KHDRBS2: variants seen among roughly 807,000 people sequenced by gnomAD.
KHDRBS2 encodes KH RNA binding domain containing, signal transduction associated 2.
KHDRBS2 carries 26 observed loss-of-function variants against 44.3 expected under a neutral mutation model. The ratio of observed to expected loss-of-function variants is 0.59; its 90% CI spans 0.43 to 0.81. The LOEUF is 0.81. KHDRBS2 is among the 40% of genes least tolerant of loss of function. The probability of loss-of-function intolerance (pLI) is 0.00; values close to 1 mark genes in which losing one functional copy is unlikely to be tolerated. For synonymous variants in KHDRBS2, 194 were observed against 151.1 expected (o/e 1.28, Z -2.08); for missense variants, 476 against 433.1 (o/e 1.10, Z -0.88).
rs1802056811 is a variant in KHDRBS2 at position 61,892,526 on chromosome 6, A to G, written c.810+2109T>C. Reference sequence around the variant, plus strand: ...ATACTACAAGGCTACAGTAACCAAAACAGCATGGTACTGGTACCAAAACAG... The same window carrying G: ...ATACTACAAGGCTACAGTAACCAAAGCAGCATGGTACTGGTACCAAAACAG... On this transcript the variant is annotated intron_variant, in intron 6 of 8. Coordinates refer to ENST00000281156, the MANE Select transcript of KHDRBS2 (RefSeq NM_152688.4). Among the ~76,000 whole-genome samples, 3 of 152,342 alleles carry G rather than the reference A, an allele frequency of 2.0e-5. No homozygotes were observed. In the South Asian group the frequency reaches 6.2e-4, roughly 32 times the overall value.
At chr6:61,765,464 AAAAT>A (rs1415544856) in intron 6 of KHDRBS2, among the ~76,000 whole-genome samples, 5 of 152,116 alleles carry the variant, frequency 3.3e-5, no homozygotes, top group African/African-American at 7.2e-5. Context: ...TAAACAATAA[AAAAT>A]AAATAAGTAA....
chr6:61,988,462 A>T (rs1775486520), intron 3 of KHDRBS2, among the ~76,000 whole-genome samples: 1 of 152,182 alleles, frequency 6.6e-6, no homozygotes, highest in Non-Finnish European at 1.5e-5. Context: ...TTCCAACTGG[A>T]TACAAATGGG....
intron 6 of KHDRBS2, among the ~76,000 whole-genome samples, chr6:61,783,253 C>A (rs759593201): frequency 6.6e-6 from 1 of 151,918 alleles, no homozygotes; most frequent in African/African-American, 2.4e-5. Context: ...TCTCACAGAC[C>A]GCTCCTTCTC....
chr6:61,926,345 A>G (rs1808971021), intron 4 of KHDRBS2, among the ~76,000 whole-genome samples: 1 of 152,228 alleles, frequency 6.6e-6, no homozygotes, highest in Non-Finnish European at 1.5e-5. Context: ...CTGTGAAAGT[A>G]AGATTCTTTG....
At chr6:61,934,689 A>C (rs1475572209) in intron 4 of KHDRBS2, among the ~76,000 whole-genome samples, 1 of 152,196 alleles carries the variant, frequency 6.6e-6, no homozygotes, top group African/African-American at 2.4e-5. Flanking sequence ...AATAAACTTC[A>C]TGTTGTGATT....
chr6:61,981,797 A>C (rs1376986798), intron 3 of KHDRBS2, among the ~76,000 whole-genome samples: 4 of 152,176 alleles, frequency 2.6e-5, no homozygotes, highest in African/African-American at 9.6e-5. Context: ...ATATGTTAAA[A>C]TGTATGGGAA....
At chr6:62,222,526 C>A (rs1831072870) in intron 1 of KHDRBS2, among the ~76,000 whole-genome samples, 1 of 152,104 alleles carries the variant, frequency 6.6e-6, no homozygotes, top group Non-Finnish European at 1.5e-5. Context: ...GAACTGCCCT[C>A]ATGATTCAAA....
chr6:62,074,250 A>G (rs1795888786), intron 2 of KHDRBS2, among the ~76,000 whole-genome samples: 1 of 151,854 alleles, frequency 6.6e-6, no homozygotes, highest in East Asian at 1.9e-4. Context: ...TGAACCATAG[A>G]AATTGTGAGA....
chr6:61,602,252 C>T, the KHDRBS2 span, among the ~76,000 whole-genome samples: 1 of 152,142 alleles, frequency 6.6e-6, no homozygotes, highest in Non-Finnish European at 1.5e-5. Context: ...TTTTGAGTTG[C>T]AGTTCCTTGC....
chr6:61,614,552 T>C, the KHDRBS2 span, among the ~76,000 whole-genome samples: 3 of 152,204 alleles, frequency 2.0e-5, no homozygotes, highest in Non-Finnish European at 2.9e-5. Context: ...ATTCAATCTT[T>C]TAGGGTGGGA....
chr6:61,543,077 A>T, the KHDRBS2 span, among the ~76,000 whole-genome samples: 1 of 152,016 alleles, frequency 6.6e-6, no homozygotes. Context: ...GTAATACTCC[A>T]CAAGCACAGG....
the KHDRBS2 span, chr6:61,574,212 T>C: frequency 8.2e-6 from 6 of 732,330 alleles, no homozygotes; most frequent in African/African-American, 1.8e-5. Flanking sequence ...ACATCACCTC[T>C]AGCATTACCA....
intron 2 of KHDRBS2, among the ~76,000 whole-genome samples, chr6:62,111,062 A>G (rs1429755359): frequency 2.0e-5 from 3 of 152,138 alleles, no homozygotes; most frequent in African/African-American, 7.2e-5. Flanking sequence ...GAAACTGCTT[A>G]TAACTTGTAA....
Position 62,177,230 on chromosome 6 carries a change from T to A in KHDRBS2, c.174A>T (p.Ile58=). ...GAATCAGTACTCTTTCTGAGAGCTTTATGTTTTTGTTGCTGATGACATCAA... is the reference window on the plus strand; with the variant it reads ...GAATCAGTACTCTTTCTGAGAGCTTAATGTTTTTGTTGCTGATGACATCAA... ...KYLDVISNKN[I]KLSERVLIPV... is the part of the protein sequence containing the mutation. The change falls in exon 2 of 9, where the codon ATA becomes ATT. Residue 58 remains isoleucine (I), a synonymous_variant. Coordinates refer to ENST00000281156, the MANE Select transcript of KHDRBS2 (RefSeq NM_152688.4). The A allele has an allele frequency of 1.3e-6, 2 of 1,595,584 alleles. No individual in the cohort carries two copies. Among genetic ancestry groups the A allele is most frequent in the East Asian group, 4.5e-5 (2 of 44,594 alleles).
chr6:62,147,795 G>T (rs556500325), intron 2 of KHDRBS2, among the ~76,000 whole-genome samples: 2 of 151,994 alleles, frequency 1.3e-5, no homozygotes, highest in African/African-American at 4.8e-5. Flanking sequence ...CTCTTTACAC[G>T]AAAGTTTCTT....
intron 2 of KHDRBS2, among the ~76,000 whole-genome samples, chr6:62,137,248 G>A (rs540195210): frequency 2.6e-5 from 4 of 152,010 alleles, no homozygotes; most frequent in South Asian, 4.1e-4. Flanking sequence ...GGATCCGCCC[G>A]CCTTGGCCTC....
intron 1 of KHDRBS2, among the ~76,000 whole-genome samples, chr6:62,199,816 G>A (rs1222664611): frequency 5.9e-5 from 9 of 152,032 alleles, no homozygotes; most frequent in Admixed American, 4.6e-4. Context: ...GAGGCATCAC[G>A]CTACCTGACT....
At chr6:62,070,041 A>T (rs1232166260) in intron 2 of KHDRBS2, among the ~76,000 whole-genome samples, 1 of 151,574 alleles carries the variant, frequency 6.6e-6, no homozygotes, top group Non-Finnish European at 1.5e-5. Flanking sequence ...TTTGTCAGAC[A>T]CTTTTTCTCC....
intron 6 of KHDRBS2, among the ~76,000 whole-genome samples, chr6:61,821,542 C>T (rs756010169): frequency 6.6e-6 from 1 of 151,864 alleles, no homozygotes; most frequent in Non-Finnish European, 1.5e-5. Flanking sequence ...GATGACACTT[C>T]TAAGATCAAC....
Sources: allele counts gnomAD v4.1 joint callset (sites outside exome capture counted in the v4.1 genomes callset), GRCh38; gene constraint gnomAD v4.1.1; transcripts MANE v1.5; gene names NCBI Gene and HGNC (gene_info 2026-07-23, HGNC 2026-07-21).